The following TULP2 variants were observed in gnomAD, a reference collection of about 807,000 sequenced individuals.
TULP2 encodes the protein TUB like protein 2, also known as tubby-related protein 2.
TULP2 carries 64 observed loss-of-function variants against 60.3 expected under a neutral mutation model. That is an observed-to-expected ratio of 1.06 (90% confidence interval 0.87 to 1.31). The LOEUF (loss-of-function observed/expected upper bound fraction) is 1.31. Ranked by LOEUF, TULP2 falls within the 50% of genes most tolerant of loss-of-function variation. The pLI is 0.00. For missense variants in TULP2, 652 were observed against 667.0 expected (o/e 0.98, Z 0.25); for synonymous variants, 267 against 265.4 (o/e 1.01, Z -0.06).
intron 11 of TULP2, among the ~76,000 whole-genome samples, chr19:48,882,882 T>G (rs2037147037): frequency 6.6e-6 from 1 of 152,212 alleles, no homozygotes; most frequent in Non-Finnish European, 1.5e-5. Flanking sequence ...GGCTAACAGA[T>G]ATTTAAGAAT....
chr19:48,895,100 CT>C lies in TULP2; in HGVS notation c.411del (p.Glu138AsnfsTer105). 1 of 1,614,082 alleles carries C rather than the reference CT, an allele frequency of 6.2e-7. No individual in the cohort carries two copies. The highest frequency in any genetic ancestry group is 8.5e-7 in the Non-Finnish European group (1 of 1,180,026). On this transcript the variant is annotated frameshift_variant, in exon 6 of 13. Coordinates refer to ENST00000221399, the MANE Select transcript of TULP2 (RefSeq NM_003323.3). LOFTEE classifies it high-confidence loss of function. ...FLSWLPDNSDAELEEVSVENG... is the reference protein window; with the variant it reads ...FLSWLPDNSDXELEEVSVENG... ...TTCTCCACGGAGACTTCCTCCAATT[CT>C]GCATCGGAATTGTCTGGGAGCCAGG... is the stretch of plus-strand genomic sequence containing the variant.
In TULP2 at chr19:48,897,982, T is replaced by C. The variant is rs1255222604; in HGVS notation, c.-1-113A>G. On this transcript the variant is annotated intron_variant, in intron 1 of 12. Coordinates refer to ENST00000221399, the MANE Select transcript of TULP2 (RefSeq NM_003323.3). The surrounding 1 kb of genome is among the most constrained non-coding windows in gnomAD (Gnocchi z 4.0). ...TTATTTATTTATTTATTTATTTATG[T>C]ATTTAGAGACAGCTGAGCCTCGCTC... 1.1e-6 allele frequency: 1 copy of C among 906,514 alleles called. No homozygotes were observed. Among genetic ancestry groups the C allele is most frequent in the East Asian group, 3.7e-5 (1 of 27,326 alleles). 56.2% of individuals were successfully genotyped at this position (906,514 alleles called of 1,614,324 possible).
Position 48,897,255 on chromosome 19 carries a change from G to T in TULP2, c.84+90C>A. 2.2e-6 allele frequency: 3 copies of T among 1,393,694 alleles called. No individual in the cohort carries two copies. Among genetic ancestry groups the T allele is most frequent in the Non-Finnish European group, 3.0e-6 (3 of 994,104 alleles). The allele number at this position is 1,393,694 out of a possible 1,614,324, so 86.3% of individuals were successfully genotyped here. A position where few individuals can be genotyped will look rare whatever the true frequency, so the allele number is the denominator to read the frequency against. On this transcript the variant is annotated intron_variant, in intron 3 of 12. Transcript: ENST00000221399. The surrounding 1 kb of genome is among the most constrained non-coding windows in gnomAD (Gnocchi z 4.0). ...GGATGAGAGACAGCCAACACGGGCT[G>T]GGAGTCCTAGAGCAAGACCTGGTGG...
At chr19:48,894,248 G>A (rs758016159) in intron 6 of TULP2, among the ~76,000 whole-genome samples, 5 of 151,806 alleles carry the variant, frequency 3.3e-5, no homozygotes, top group East Asian at 3.9e-4. Flanking sequence ...GGCCAGGCTC[G>A]TCTCAAATTC....
intron 8 of TULP2, among the ~76,000 whole-genome samples, chr19:48,887,098 C>T (rs548909838): frequency 1.2e-3 from 181 of 148,630 alleles, no homozygotes; most frequent in African/African-American, 4.3e-3. Context: ...TTGCAACCTC[C>T]GCCTTCGAGT....
intron 11 of TULP2, among the ~76,000 whole-genome samples, chr19:48,883,293 T>C (rs1385239127): frequency 2.6e-5 from 4 of 151,542 alleles, no homozygotes; most frequent in African/African-American, 7.3e-5. Flanking sequence ...TGCCCACCCC[T>C]TTCCCAGAAA....
At chr19:48,881,878 G>A in intron 12 of TULP2, 154 bp downstream of exon 12, 1 of 980,690 alleles carries the variant, frequency 1.0e-6, no homozygotes, top group Non-Finnish European at 1.5e-6. Context: ...CCCTGAGGGT[G>A]TGTAAACTAC....
rs571691984 is a variant in TULP2 at position 48,889,520 on chromosome 19, G to C, written c.626C>G (p.Ala209Gly). The part of the protein sequence containing the change: ...MDGDCVYENL[A>G]FQKEEDLEKK... ...TGTGCATTTTCCTACCTTTTGGAAG[G>C]CCAAGTTTTCATATACACAGTCACC... is the stretch of plus-strand genomic sequence containing the variant. Residue 209 changes from alanine (A) to glycine (G), a missense_variant, in exon 7 of 13, where the codon GCC becomes GGC. Physicochemically the swap from Ala to Gly is moderately conservative, Grantham distance 60. Transcript: ENST00000221399. 7.0e-5 allele frequency: 110 copies of C among 1,570,228 alleles called. No individual in the cohort carries two copies. The South Asian group carries it at 1.2e-3, about 17-fold the overall frequency.
In TULP2 at chr19:48,897,550, A is replaced by T. The variant is rs2037293948; in HGVS notation, c.33-154T>A. The T allele has an allele frequency of 2.6e-6, 2 of 761,720 alleles. No homozygotes were observed. The highest frequency in any genetic ancestry group is 4.7e-5 in the Admixed American group (2 of 42,798). The allele number at this position is 761,720 out of a possible 1,614,324, so 47.2% of individuals were successfully genotyped here. On this transcript the variant is annotated intron_variant, in intron 2 of 12. Transcript: ENST00000221399. The surrounding 1 kb of genome is among the most constrained non-coding windows in gnomAD (Gnocchi z 4.0). ...AGAACCTGAGCCTGCTCCACCAGTT[A>T]TAGGGCCCTTTCTCCTGGCACTGGC... is the stretch of plus-strand genomic sequence containing the variant.
chr19:48,895,089 T>C lies in TULP2; in HGVS notation c.423A>G (p.Glu141=), dbSNP rs535096548. ...LPDNSDAELE[E]VSVENGSVSP... ...AGACGGAACCATTCTCCACGGAGACTTCCTCCAATTCTGCATCGGAATTGT... is the reference window on the plus strand; with the variant it reads ...AGACGGAACCATTCTCCACGGAGACCTCCTCCAATTCTGCATCGGAATTGT... The change falls in exon 6 of 13, where the codon GAA becomes GAG. Residue 141 remains glutamate, a synonymous_variant. Transcript: ENST00000221399. 1.2e-6 allele frequency: 2 copies of C among 1,613,982 alleles called. No individual in the cohort carries two copies. The highest frequency in any genetic ancestry group is 2.7e-5 in the African/African-American group (2 of 74,896).
At chr19:48,896,959 C>G (rs117016425) in intron 3 of TULP2, among the ~76,000 whole-genome samples, 1 of 151,772 alleles carries the variant, frequency 6.6e-6, no homozygotes, top group Middle Eastern at 3.2e-3. Context: ...CCACGATCTC[C>G]GCTCACTGCA....
At chr19:48,896,617 G>T in intron 3 of TULP2, 61 bp from the exon 4 acceptor site, 1 of 1,515,876 alleles carries the variant, frequency 6.6e-7, no homozygotes, top group African/African-American at 1.4e-5. Flanking sequence ...CAGAAGTGAG[G>T]TGGGGCCTGG....
intron 6 of TULP2, 51 bp downstream of exon 6, chr19:48,894,947 G>T: frequency 6.4e-7 from 1 of 1,564,894 alleles, no homozygotes; most frequent in Non-Finnish European, 8.6e-7. Context: ...GGGAAGATTT[G>T]CTGCATGAAC....
At position 48,896,574 on chromosome 19, in the gene TULP2, G is replaced by A. The variant is rs754917223; in HGVS notation, c.85-18C>T. 5 of 1,581,380 alleles carry A rather than the reference G, an allele frequency of 3.2e-6. No homozygotes were observed. Among genetic ancestry groups the A allele is most frequent in the Non-Finnish European group, 4.3e-6 (5 of 1,163,930 alleles). On this transcript the variant is annotated intron_variant, in intron 3 of 12. Coordinates refer to ENST00000221399, the MANE Select transcript of TULP2 (RefSeq NM_003323.3). ...AGCCGCCGCTGGGGAGATGGGAGAG[G>A]TGGGTGTCCGGGACAGGAACCAGAT...
chr19:48,894,019 A>G (rs1028132974), intron 6 of TULP2, among the ~76,000 whole-genome samples: 3 of 152,064 alleles, frequency 2.0e-5, no homozygotes, highest in African/African-American at 7.2e-5. Context: ...ACAAGATGAC[A>G]ATAAATAACA....
Position 48,883,856 on chromosome 19 carries a change from G to A in TULP2, c.1177-4C>T, listed in dbSNP as rs1441875825. 1 of 1,614,014 alleles carries A rather than the reference G, an allele frequency of 6.2e-7. No individual in the cohort carries two copies. The highest frequency in any genetic ancestry group is 8.5e-7 in the Non-Finnish European group (1 of 1,179,986). ...GGTATCCTAAGACGTTGGGCTCCTG[G>A]GGGTATTACATTCCAGTTGGCCTGG... On this transcript the variant is annotated splice_region_variant and splice_polypyrimidine_tract_variant and intron_variant, in intron 10 of 12. Coordinates refer to ENST00000221399, the MANE Select transcript of TULP2 (RefSeq NM_003323.3).
chr19:48,887,052 C>A (rs192809134), intron 8 of TULP2, among the ~76,000 whole-genome samples: 1 of 149,136 alleles, frequency 6.7e-6, no homozygotes, highest in Non-Finnish European at 1.5e-5. Flanking sequence ...GCTCTTTCAC[C>A]CAGGCTGGAG....
chr19:48,887,699 A>C (rs1568571398), intron 8 of TULP2, among the ~76,000 whole-genome samples: 2 of 152,066 alleles, frequency 1.3e-5, no homozygotes, highest in Non-Finnish European at 2.9e-5. Context: ...CTGGGACTAC[A>C]GGCGCCTGCC....
At position 48,897,600 on chromosome 19, in the gene TULP2, C is replaced by G. The variant is rs985117722; in HGVS notation, c.33-204G>C. ...CCCACAGAAGCCGGGACCCAGAGAT[C>G]CCAGGTCCCTCCTGTCTCAGGATTC... On this transcript the variant is annotated intron_variant, in intron 2 of 12. Coordinates refer to ENST00000221399, the MANE Select transcript of TULP2 (RefSeq NM_003323.3). This position sits in a 1 kb window ranked among gnomAD's most constrained non-coding sequence, Gnocchi z 4.0. 4.3e-6 allele frequency: 3 copies of G among 695,010 alleles called. No homozygotes were observed. The highest frequency in any genetic ancestry group is 3.6e-5 in the African/African-American group (2 of 55,424). 43.1% of individuals were successfully genotyped at this position (695,010 alleles called of 1,614,324 possible).
Sources: gnomAD v4.1 joint callset for allele counts (sites outside exome capture counted in the v4.1 genomes callset) on GRCh38, gnomAD v4.1.1 for gene constraint, Gnocchi (gnomAD v3.1) non-coding constraint, MANE v1.5 for transcripts, NCBI Gene and HGNC (gene_info 2026-07-23, HGNC 2026-07-21) for gene names.